AMBRA1: variants seen among roughly 807,000 people sequenced by gnomAD.
AMBRA1 encodes activating molecule in BECN1-regulated autophagy protein 1.
A neutral mutation model predicts 125.4 loss-of-function variants in AMBRA1; 47 were observed. The ratio of observed to expected loss-of-function variants is 0.37; its 90% confidence interval spans 0.30 to 0.48. AMBRA1 has a LOEUF of 0.48. AMBRA1 is among the 20% of genes least tolerant of loss of function. The pLI is 0.99. For synonymous variants in AMBRA1, 626 were observed against 655.5 expected, an observed-to-expected ratio of 0.95 and a Z score of 0.69; for missense variants, 1,331 against 1,693.4, an observed-to-expected ratio of 0.79 and a Z score of 3.76.
In AMBRA1 at chr11:46,433,632, A is replaced by AAAT; in HGVS notation, c.2822-5_2822-4insATT. 6.2e-7 allele frequency: 1 copy of AAAT among 1,611,936 alleles called. No individual in the cohort carries two copies. The highest frequency in any genetic ancestry group is 1.3e-5 in the African/African-American group (1 of 75,022). ...CTCACCGAAATGGCATTGGGACCTG[A>AAAT]GGGCCAACAAAACAGAGAAATATTT... On this transcript the variant is annotated splice_polypyrimidine_tract_variant and splice_region_variant and intron_variant, in intron 13 of 17. Coordinates refer to ENST00000683756, the MANE Select transcript of AMBRA1 (RefSeq NM_001387011.1).
chr11:46,534,514 T>C (rs529094820), intron 7 of AMBRA1, among the ~76,000 whole-genome samples: 31 of 152,136 alleles, frequency 2.0e-4, no homozygotes, highest in African/African-American at 5.3e-4. Context: ...GTAAAATAAA[T>C]AGCACCTGAA....
At chr11:46,446,832 C>T (rs1948307775) in intron 11 of AMBRA1, among the ~76,000 whole-genome samples, 1 of 152,240 alleles carries the variant, frequency 6.6e-6, no homozygotes, top group African/African-American at 2.4e-5. Flanking sequence ...CTGCTGCTAA[C>T]AAGTGATGCT....
intron 1 of AMBRA1, among the ~76,000 whole-genome samples, chr11:46,560,225 T>G (rs934340386): frequency 6.6e-6 from 1 of 152,204 alleles, no homozygotes; most frequent in African/African-American, 2.4e-5. Flanking sequence ...GCACCTCTAC[T>G]GCACACAGGC....
chr11:46,433,444 T>C, intron 14 of AMBRA1, 30 bp downstream of exon 14: 1 of 1,610,188 alleles, frequency 6.2e-7, no homozygotes, highest in Non-Finnish European at 8.5e-7. Flanking sequence ...GGAGCTGCCA[T>C]ACAGTGAAGG....
chr11:46,441,126 C>CA (rs1309023537), intron 12 of AMBRA1, among the ~76,000 whole-genome samples: 1 of 152,112 alleles, frequency 6.6e-6, no homozygotes, highest in African/African-American at 2.4e-5. Flanking sequence ...AGGACTAAAA[C>CA]AAAGTTCAAA....
intron 11 of AMBRA1, among the ~76,000 whole-genome samples, chr11:46,466,345 TA>T (rs60898911): frequency 0.23 from 31,630 of 136,630 alleles, 3,909 homozygotes; most frequent in African/African-American, 0.38. Context: ...AGACTCTGTC[TA>T]AAAAAAAAAA....
chr11:46,563,286 G>C (rs140179377), intron 1 of AMBRA1, among the ~76,000 whole-genome samples: 7 of 152,220 alleles, frequency 4.6e-5, no homozygotes, highest in African/African-American at 1.7e-4. Flanking sequence ...TGTAGTGGCA[G>C]GATCTCAACT....
At position 46,499,032 on chromosome 11, in the gene AMBRA1, C is replaced by G. The variant is rs148077172; in HGVS notation, c.2340-4828G>C. ...TGCACATATGCAAGGGCTTTGATTT[C>G]TGGAAGGAAGGCACAGCCCCAGCTG... On this transcript the variant is annotated intron_variant, in intron 9 of 17. Transcript: ENST00000683756. 7.3e-3 allele frequency among the ~76,000 whole-genome samples: 1,104 copies of G among 152,236 alleles called. 22 individuals are homozygous for G. Among genetic ancestry groups the G allele is most frequent in the African/African-American group, 0.026 (1,071 of 41,536 alleles).
intron 7 of AMBRA1, among the ~76,000 whole-genome samples, chr11:46,529,494 A>T: frequency 6.6e-6 from 1 of 152,208 alleles, no homozygotes; most frequent in Middle Eastern, 3.2e-3. Flanking sequence ...TGGTGGAGCC[A>T]AGTGGTAGGG....
At chr11:46,590,747 T>C (rs1315082049) in intron 1 of AMBRA1, among the ~76,000 whole-genome samples, 1 of 150,712 alleles carries the variant, frequency 6.6e-6, no homozygotes, top group Non-Finnish European at 1.5e-5. Flanking sequence ...AAAAGCTGAG[T>C]GAAAATACAA....
chr11:46,471,851 C>T (rs1949609399), intron 11 of AMBRA1, among the ~76,000 whole-genome samples: 1 of 151,978 alleles, frequency 6.6e-6, no homozygotes, highest in Non-Finnish European at 1.5e-5. Context: ...TGGTCTCGAT[C>T]TCCTGTCCTC....
At chr11:46,410,451 T>C (rs1203535588) in intron 15 of AMBRA1, 83 bp from the exon 16 acceptor site, 4 of 1,221,084 alleles carry the variant, frequency 3.3e-6, no homozygotes, top group African/African-American at 3.0e-5. Flanking sequence ...CTCCTGGCTT[T>C]GTGGACTGTG....
At chr11:46,536,486 A>G (rs559225240) in intron 7 of AMBRA1, among the ~76,000 whole-genome samples, 29 of 152,352 alleles carry the variant, frequency 1.9e-4, no homozygotes, top group African/African-American at 5.0e-4. Flanking sequence ...GAGATTAGAT[A>G]TCGAAACTCT....
At chr11:46,494,535 A>C in intron 9 of AMBRA1, 1 of 190,390 alleles carries the variant, frequency 5.3e-6, no homozygotes, top group East Asian at 1.2e-4. Flanking sequence ...ATATTGAAAG[A>C]TGCAAGAAAA....
intron 1 of AMBRA1, among the ~76,000 whole-genome samples, chr11:46,561,190 G>C (rs1186023028): frequency 1.3e-5 from 2 of 152,058 alleles, no homozygotes; most frequent in African/African-American, 4.8e-5. Context: ...AGACTAGCCT[G>C]GCCAACACGG....
At position 46,563,919 on chromosome 11, in the gene AMBRA1, T is replaced by C. The variant is rs192035995; in HGVS notation, c.-120-15419A>G. Among the ~76,000 whole-genome samples the C allele has an allele frequency of 8.5e-3, 1,244 of 146,668 alleles. 10 individuals are homozygous for C. Among genetic ancestry groups the C allele is most frequent in the African/African-American group, 0.03 (1,197 of 39,320 alleles). ...CAGCACTTTGGGAGGCTGGGGTGTG[T>C]GGATCACCTGAAGTCAGGAGTTTGA... On this transcript the variant is annotated intron_variant, in intron 1 of 17. Transcript: ENST00000683756.
At chr11:46,580,917 G>A (rs1394830452) in intron 1 of AMBRA1, among the ~76,000 whole-genome samples, 1 of 151,936 alleles carries the variant, frequency 6.6e-6, no homozygotes, top group Non-Finnish European at 1.5e-5. Flanking sequence ...TTAGCCTCTT[G>A]AGTAGCTGTA....
chr11:46,457,084 A>T (rs966131207), intron 11 of AMBRA1, among the ~76,000 whole-genome samples: 5 of 152,220 alleles, frequency 3.3e-5, no homozygotes, highest in Admixed American at 2.0e-4. Context: ...CTCCTGTCAA[A>T]TCAGCACCTG....
At chr11:46,410,218 A>T in intron 16 of AMBRA1, 58 bp downstream of exon 16, 1 of 1,550,428 alleles carries the variant, frequency 6.4e-7, no homozygotes, top group Non-Finnish European at 8.9e-7. Context: ...GCCCATCAAA[A>T]GCAGGAGGAA....
Sources: gnomAD v4.1 joint callset for allele counts (sites outside exome capture counted in the v4.1 genomes callset) on GRCh38, gnomAD v4.1.1 for gene constraint, MANE v1.5 for transcripts, NCBI Gene and HGNC (gene_info 2026-07-23, HGNC 2026-07-21) for gene names.